Variants in NARS2 observed in about 807,000 individuals in gnomAD.
The protein encoded by NARS2 is asparaginyl-tRNA synthetase 2, mitochondrial.
NARS2 carries 60 observed loss-of-function variants against 62.9 expected under a neutral mutation model. The observed-to-expected ratio is 0.95, with a 90% CI of 0.77 to 1.18. The LOEUF (loss-of-function observed/expected upper bound fraction) is 1.18, where lower values mean the gene tolerates loss of function less well. Ranked by LOEUF, NARS2 falls within the 50% of genes most tolerant of loss-of-function variation. The pLI, the probability that NARS2 is intolerant of heterozygous loss-of-function variation, is 0.00. For missense variants in NARS2, 619 were observed against 576.4 expected (o/e 1.07, Z -0.76); for synonymous variants, 196 against 200.0 (o/e 0.98, Z 0.17).
chr11:78,528,433 G>C (rs529889372), intron 6 of NARS2, among the ~76,000 whole-genome samples: 7 of 152,058 alleles, frequency 4.6e-5, no homozygotes, highest in African/African-American at 1.4e-4. Flanking sequence ...TCAAAATGTA[G>C]GTATGAGTTA....
intron 6 of NARS2, among the ~76,000 whole-genome samples, chr11:78,524,371 C>A (rs1372887615): frequency 8.3e-6 from 1 of 120,358 alleles, no homozygotes; most frequent in Non-Finnish European, 2.0e-5. Flanking sequence ...TCTAGAAAAA[C>A]TGTACTAATT....
At chr11:78,570,335 T>G (rs1273702357) in intron 2 of NARS2, among the ~76,000 whole-genome samples, 1 of 152,118 alleles carries the variant, frequency 6.6e-6, no homozygotes, top group Non-Finnish European at 1.5e-5. Flanking sequence ...TCTAACAAAT[T>G]AGAATAATGT....
chr11:78,469,350 T>A (rs777355564), intron 9 of NARS2, 37 bp from the exon 10 acceptor site: 1 of 1,495,400 alleles, frequency 6.7e-7, no homozygotes, highest in South Asian at 1.1e-5. Flanking sequence ...GAAAAGTCAA[T>A]ACAATGGAGC....
chr11:78,553,295 T>C (rs1856198323), intron 5 of NARS2, among the ~76,000 whole-genome samples: 1 of 152,080 alleles, frequency 6.6e-6, no homozygotes, highest in Non-Finnish European at 1.5e-5. Flanking sequence ...CCCCCCTTTT[T>C]TTTTCTTTTT....
At chr11:78,561,259 GAAT>G (rs1856547474) in intron 4 of NARS2, among the ~76,000 whole-genome samples, 1 of 152,194 alleles carries the variant, frequency 6.6e-6, no homozygotes, top group South Asian at 2.1e-4. Flanking sequence ...TACAAAGGAA[GAAT>G]AATACAGCCG....
At chr11:78,488,411 A>T (rs1859670965) in intron 7 of NARS2, among the ~76,000 whole-genome samples, 1 of 152,140 alleles carries the variant, frequency 6.6e-6, no homozygotes, top group Non-Finnish European at 1.5e-5. Context: ...GGTTTTTAAG[A>T]TCTGTGAGCC....
intron 5 of NARS2, among the ~76,000 whole-genome samples, chr11:78,534,376 C>T (rs1021729432): frequency 5.9e-5 from 9 of 152,242 alleles, no homozygotes; most frequent in South Asian, 2.1e-4. Flanking sequence ...TCATTTTCTA[C>T]GGATCACATG....
chr11:78,537,951 T>C (rs1855431488), intron 5 of NARS2, among the ~76,000 whole-genome samples: 1 of 152,234 alleles, frequency 6.6e-6, no homozygotes, highest in South Asian at 2.1e-4. Flanking sequence ...TATAGTCAAC[T>C]GCAGTCTGGA....
At chr11:78,524,697 ACT>A (rs1042806548) in intron 6 of NARS2, among the ~76,000 whole-genome samples, 2 of 152,030 alleles carry the variant, frequency 1.3e-5, no homozygotes, top group Non-Finnish European at 2.9e-5. Context: ...AAAAAAAAAA[ACT>A]CTGTCTACTG....
At chr11:78,439,144 T>C (rs530524086) in intron 13 of NARS2, among the ~76,000 whole-genome samples, 2 of 152,168 alleles carry the variant, frequency 1.3e-5, no homozygotes, top group African/African-American at 4.8e-5. Context: ...TTCAAGCGAT[T>C]CTCCTGCCTC....
chr11:78,572,498 A>G (rs1038202048), intron 1 of NARS2, among the ~76,000 whole-genome samples: 1 of 152,214 alleles, frequency 6.6e-6, no homozygotes, highest in African/African-American at 2.4e-5. Context: ...GGATGCTATT[A>G]TAATTCTGCC....
chr11:78,530,283 C>A (rs1861430787), intron 5 of NARS2, among the ~76,000 whole-genome samples: 2 of 151,956 alleles, frequency 1.3e-5, no homozygotes, highest in Admixed American at 6.6e-5. Context: ...AAGATCTGTT[C>A]TCTGATATTT....
chr11:78,491,274 C>A (rs942345838), intron 7 of NARS2, among the ~76,000 whole-genome samples: 5 of 152,222 alleles, frequency 3.3e-5, no homozygotes, highest in Non-Finnish European at 5.9e-5. Flanking sequence ...CCACTCTCCC[C>A]CTTCCCTGCC....
chr11:78,569,073 T>G (rs1031414860), intron 2 of NARS2, among the ~76,000 whole-genome samples: 1 of 152,192 alleles, frequency 6.6e-6, no homozygotes. Flanking sequence ...ATGGGAAAAC[T>G]GCAAATCAAA....
intron 5 of NARS2, among the ~76,000 whole-genome samples, chr11:78,543,359 A>C (rs1855705931): frequency 6.6e-6 from 1 of 152,216 alleles, no homozygotes; most frequent in South Asian, 2.1e-4. Context: ...TCTAATTTCC[A>C]ACAAAAACCA....
rs115313812 is a variant in NARS2 at position 78,570,751 on chromosome 11, G to T, written c.251+584C>A. 8.7e-3 allele frequency among the ~76,000 whole-genome samples: 1,319 copies of T among 152,288 alleles called. 18 individuals carry two copies. The highest frequency in any genetic ancestry group is 0.03 in the African/African-American group (1,248 of 41,558). On this transcript the variant is annotated intron_variant, in intron 2 of 13. Coordinates refer to ENST00000281038, the MANE Select transcript of NARS2 (RefSeq NM_024678.6). ...CCATTTATTCAACAGGCAATAATTT[G>T]TCATATTGTCAGCACTATGCTAGAG...
intron 7 of NARS2, among the ~76,000 whole-genome samples, chr11:78,491,169 T>C (rs1859803131): frequency 1.3e-5 from 2 of 152,226 alleles, no homozygotes; most frequent in South Asian, 4.1e-4. Context: ...GCACTACTGA[T>C]ACTTTGGGCC....
chr11:78,496,539 T>C (rs1014490197), intron 6 of NARS2, among the ~76,000 whole-genome samples: 1 of 152,132 alleles, frequency 6.6e-6, no homozygotes, highest in African/African-American at 2.4e-5. Context: ...CTAATGCTCA[T>C]AGCCTTAACC....
Position 78,470,787 on chromosome 11 carries a change from T to C in NARS2, c.960-1474A>G, listed in dbSNP as rs77892614. On this transcript the variant is annotated intron_variant, in intron 9 of 13. Coordinates refer to ENST00000281038, the MANE Select transcript of NARS2 (RefSeq NM_024678.6). ...ATTTTCTGAAAGGTTTTGCCAAAGA[T>C]ATTGCCCCCTTTTATATCAATTTAT... 1.2e-4 allele frequency among the ~76,000 whole-genome samples: 19 copies of C among 152,244 alleles called. No individual in the cohort carries two copies. The East Asian group carries it at 3.5e-3, about 28-fold the overall frequency.
Sources: gnomAD v4.1 joint callset for allele counts (sites outside exome capture counted in the v4.1 genomes callset) on GRCh38, gnomAD v4.1.1 for gene constraint, MANE v1.5 for transcripts, NCBI Gene and HGNC (gene_info 2026-07-23, HGNC 2026-07-21) for gene names.